Variants in MCPH1 observed in about 807,000 individuals in gnomAD.
The protein encoded by MCPH1 is microcephalin 1, also known as microcephalin.
Under a neutral mutation model 84.5 loss-of-function variants are expected in MCPH1, and 104 were observed. That is an observed-to-expected ratio of 1.23 (90% CI 1.05 to 1.45). The LOEUF (loss-of-function observed/expected upper bound fraction) is 1.45, where lower values mean the gene tolerates loss of function less well. Ranked by LOEUF, MCPH1 falls within the 40% of genes most tolerant of loss-of-function variation. The pLI is 0.00. For synonymous variants in MCPH1, 514 were observed against 366.8 expected (o/e 1.40, Z -4.58); for missense variants, 1,498 against 1,005.7 (o/e 1.49, Z -6.62).
At chr8:6,629,532 G>C (rs970366274) in intron 13 of MCPH1, among the ~76,000 whole-genome samples, 1 of 152,200 alleles carries the variant, frequency 6.6e-6, no homozygotes, top group East Asian at 1.9e-4. Context: ...AAGAGTCCAA[G>C]TGAGGACTCA....
intron 12 of MCPH1, among the ~76,000 whole-genome samples, chr8:6,610,512 A>G (rs1370270789): frequency 2.0e-5 from 3 of 152,162 alleles, no homozygotes; most frequent in Admixed American, 1.3e-4. Flanking sequence ...AAAAGCCATA[A>G]TCTTCCTCCA....
intron 9 of MCPH1, among the ~76,000 whole-genome samples, chr8:6,464,294 G>A (rs991521937): frequency 3.9e-5 from 6 of 152,094 alleles, no homozygotes. Context: ...ACAGGTGTGG[G>A]GTCCATCAGC....
At chr8:6,429,444 T>A (rs539612530) in intron 3 of MCPH1, among the ~76,000 whole-genome samples, 2 of 151,704 alleles carry the variant, frequency 1.3e-5, no homozygotes, top group East Asian at 3.9e-4. Context: ...CACCTGCGCC[T>A]CCTGCCCTTG....
Position 6,438,345 on chromosome 8 carries a change from A to G in MCPH1, c.437-608A>G, listed in dbSNP as rs2916754. 8.4e-3 allele frequency among the ~76,000 whole-genome samples: 1,274 copies of G among 152,140 alleles called. 23 individuals are homozygous for G. Among genetic ancestry groups the G allele is most frequent in the African/African-American group, 0.029 (1,201 of 41,552 alleles). On this transcript the variant is annotated intron_variant, in intron 5 of 13. Coordinates refer to ENST00000344683, the MANE Select transcript of MCPH1 (RefSeq NM_024596.5). ...AGGCTTAAGAGTCCCAAAGGAGAAT[A>G]TATTAAATGATTCTTGGTATTTTTT...
rs557007841 is a variant in MCPH1 at position 6,429,128 on chromosome 8, G to C, written c.234-2371G>C. Among the ~76,000 whole-genome samples the C allele has an allele frequency of 1.3e-5, 2 of 152,174 alleles. 1 individual carries two copies. On this transcript the variant is annotated intron_variant, in intron 3 of 13. Transcript: ENST00000344683. ...GTACATGATACATTTTGGTTAAATC[G>C]GTAGTTTATGTTTACATCATTATGA...
intron 12 of MCPH1, among the ~76,000 whole-genome samples, chr8:6,552,361 C>T (rs145427890): frequency 2.6e-5 from 4 of 152,286 alleles, no homozygotes; most frequent in African/African-American, 9.6e-5. Flanking sequence ...GAGCAGTTTC[C>T]ACAGAGGCAC....
At chr8:6,544,165 G>C (rs932764409) in intron 12 of MCPH1, among the ~76,000 whole-genome samples, 1 of 152,208 alleles carries the variant, frequency 6.6e-6, no homozygotes, top group Non-Finnish European at 1.5e-5. Flanking sequence ...GGTAGGAAGT[G>C]TAACAAGTAC....
rs1829518783 is a variant in MCPH1, at chr8:6,603,366, CTA to C, written c.2215-18084_2215-18083del. On this transcript the variant is annotated intron_variant, in intron 12 of 13. Transcript: ENST00000344683. ...AACTTTTCGGGATGACGGAAGTACT[CTA>C]TATTTTGATTGAGGTGTTATTACTT... 2.0e-5 allele frequency among the ~76,000 whole-genome samples: 3 copies of C among 152,056 alleles called. 1 individual carries two copies. In the South Asian group the frequency reaches 6.2e-4, roughly 32 times the overall value.
chr8:6,578,372 C>T (rs1827283459), intron 12 of MCPH1, among the ~76,000 whole-genome samples: 1 of 152,218 alleles, frequency 6.6e-6, no homozygotes, highest in Non-Finnish European at 1.5e-5. Context: ...TGGGAAACCC[C>T]TTTCCTGAAT....
intron 9 of MCPH1, among the ~76,000 whole-genome samples, chr8:6,470,538 G>C (rs1198779288): frequency 6.6e-6 from 1 of 152,188 alleles, no homozygotes; most frequent in African/African-American, 2.4e-5. Flanking sequence ...GCCCACCTTG[G>C]TCTCCCAAAG....
intron 13 of MCPH1, among the ~76,000 whole-genome samples, chr8:6,638,354 G>C (rs781306700): frequency 6.6e-6 from 1 of 152,056 alleles, no homozygotes; most frequent in African/African-American, 2.4e-5. Flanking sequence ...CATGGGTCCC[G>C]TGTGCTCTTG....
intron 11 of MCPH1, among the ~76,000 whole-genome samples, chr8:6,485,782 T>C (rs939922369): frequency 2.0e-5 from 3 of 152,164 alleles, no homozygotes; most frequent in Non-Finnish European, 4.4e-5. Context: ...CAGTCAGGTA[T>C]ATCACACATA....
chr8:6,407,783 A>G (rs1402168099), intron 1 of MCPH1, among the ~76,000 whole-genome samples: 1 of 152,208 alleles, frequency 6.6e-6, no homozygotes, highest in East Asian at 1.9e-4. Flanking sequence ...CCACTAGAAC[A>G]GGGGTCCACT....
chr8:6,619,829 C>T (rs996714268), intron 12 of MCPH1, among the ~76,000 whole-genome samples: 2 of 152,006 alleles, frequency 1.3e-5, no homozygotes, highest in African/African-American at 4.8e-5. Context: ...TGTGACCTGC[C>T]CGCCTCAGCC....
chr8:6,454,196 A>G (rs1044730156), intron 8 of MCPH1, among the ~76,000 whole-genome samples: 1 of 152,142 alleles, frequency 6.6e-6, no homozygotes, highest in African/African-American at 2.4e-5. Flanking sequence ...ATCTGCATCT[A>G]CATTGTCTAT....
At chr8:6,443,980 G>T (rs1243456927) in intron 7 of MCPH1, among the ~76,000 whole-genome samples, 1 of 152,226 alleles carries the variant, frequency 6.6e-6, no homozygotes, top group Non-Finnish European at 1.5e-5. Flanking sequence ...AGGGTGAGCT[G>T]TGTTCATTGA....
In MCPH1 at chr8:6,444,787, G is replaced by T. The variant is rs200976069; in HGVS notation, c.1065G>T (p.Lys355Asn). The change falls in exon 8 of 14, where the codon AAG becomes AAT. Residue 355 changes from lysine to asparagine, a missense_variant. Transcript: ENST00000344683. The part of the protein sequence containing the change: ...IHSRPRSSSV[K>N]RKRVSHGSHS... ...CAAGACCCAGGAGTTCCTCAGTAAA[G>T]AGAAAAAGAGTATCACATGGCTCCC... is the stretch of plus-strand genomic sequence containing the variant. 67 of 1,613,976 alleles carry T rather than the reference G, an allele frequency of 4.2e-5. No individual in the cohort carries two copies. Among genetic ancestry groups the T allele is most frequent in the Admixed American group, 1.2e-4 (7 of 60,012 alleles).
At chr8:6,490,158 A>G (rs180776407) in intron 11 of MCPH1, among the ~76,000 whole-genome samples, 2 of 152,230 alleles carry the variant, frequency 1.3e-5, no homozygotes, top group Admixed American at 6.5e-5. Context: ...CTTTGACCAT[A>G]CCTCAAGGTG....
intron 13 of MCPH1, chr8:6,624,819 G>A: frequency 1.0e-6 from 1 of 984,846 alleles, no homozygotes; most frequent in Non-Finnish European, 1.2e-6. Context: ...TGCGTTTCCT[G>A]CCTCATCCAG....
Sources: gnomAD v4.1 joint callset for allele counts (sites outside exome capture counted in the v4.1 genomes callset) on GRCh38, gnomAD v4.1.1 for gene constraint, MANE v1.5 for transcripts, NCBI Gene and HGNC (gene_info 2026-07-23, HGNC 2026-07-21) for gene names.